MYOM1: variants seen among roughly 807,000 people sequenced by gnomAD.
The protein encoded by MYOM1 is myomesin-1.
A neutral mutation model predicts 205.3 loss-of-function variants in MYOM1; 164 were observed. That is an observed-to-expected ratio of 0.80 (90% CI 0.70 to 0.91). MYOM1 has a LOEUF of 0.91. MYOM1 is among the 40% of genes least tolerant of loss of function. MYOM1 has a pLI of 0.00. For synonymous variants in MYOM1, 772 were observed against 789.4 expected (o/e 0.98, Z 0.37); for missense variants, 2,011 against 2,127.3 (o/e 0.95, Z 1.08).
At chr18:3,193,353 T>TACACAC (rs1216529037) in intron 3 of MYOM1, among the ~76,000 whole-genome samples, 105 of 103,146 alleles carry the variant, frequency 1.0e-3, no homozygotes, top group African/African-American at 2.8e-3. Context: ...TATACATATA[T>TACACAC]ATATATATAC....
At chr18:3,112,486 G>A (rs1049198042) in intron 21 of MYOM1, 74 bp from the exon 22 acceptor site, 129 of 1,140,830 alleles carry the variant, frequency 1.1e-4, no homozygotes, top group Non-Finnish European at 1.4e-4. Flanking sequence ...AAACAGACGG[G>A]GCTCTTCCTC....
intron 25 of MYOM1, among the ~76,000 whole-genome samples, chr18:3,099,287 G>A (rs113819071): frequency 0.022 from 3,289 of 152,264 alleles, 98 homozygotes; most frequent in African/African-American, 0.074. Flanking sequence ...TAAAAGTGAA[G>A]GATACTCTTC....
intron 25 of MYOM1, among the ~76,000 whole-genome samples, chr18:3,095,536 C>A (rs1411735085): frequency 6.6e-6 from 1 of 152,142 alleles, no homozygotes; most frequent in Non-Finnish European, 1.5e-5. Flanking sequence ...CCACTGCACT[C>A]CAGCCTGGGC....
At chr18:3,155,338 C>CA (rs1379010648) in intron 10 of MYOM1, among the ~76,000 whole-genome samples, 1 of 152,192 alleles carries the variant, frequency 6.6e-6, no homozygotes, top group Non-Finnish European at 1.5e-5. Flanking sequence ...TCTCCTGCCT[C>CA]AGCCTCCTGA....
At chr18:3,131,584 T>C (rs1017631914) in intron 16 of MYOM1, 88 bp from the exon 17 acceptor site, 15 of 1,163,948 alleles carry the variant, frequency 1.3e-5, no homozygotes, top group African/African-American at 1.6e-5. Flanking sequence ...TCTGGCTTTA[T>C]GAAAACAATT....
chr18:3,198,350 G>A (rs531521936), intron 2 of MYOM1, among the ~76,000 whole-genome samples: 1 of 152,208 alleles, frequency 6.6e-6, no homozygotes, highest in Non-Finnish European at 1.5e-5. Flanking sequence ...TGTGTTCAGG[G>A]TTAGGCTGCA....
chr18:3,233,914 A>C, the MYOM1 span, among the ~76,000 whole-genome samples: 1 of 152,244 alleles, frequency 6.6e-6, no homozygotes, highest in Admixed American at 6.5e-5. Context: ...TAACACAGTC[A>C]TTCTTATCAA....
rs150827793 is a variant in MYOM1, at chr18:3,123,847, G to C, written c.2991+2854C>G. 2.9e-3 allele frequency among the ~76,000 whole-genome samples: 424 copies of C among 146,766 alleles called. 14 individuals are homozygous for C. In the East Asian group the frequency reaches 0.068, roughly 24 times the overall value. On this transcript the variant is annotated intron_variant, in intron 19 of 37. Coordinates refer to ENST00000356443, the MANE Select transcript of MYOM1 (RefSeq NM_003803.4). ...TATTTATTTATTTTTTTTGAGACAG[G>C]ATCTCGCTCTGTCACCAAGCCTGGA...
chr18:3,152,747 A>G lies in MYOM1; in HGVS notation c.1644-854T>C, dbSNP rs2080238867. Among the ~76,000 whole-genome samples, 2 of 152,092 alleles carry G rather than the reference A, an allele frequency of 1.3e-5. No individual in the cohort carries two copies. The highest frequency in any genetic ancestry group is 1.3e-4 in the Admixed American group (2 of 15,278). The stretch of plus-strand genomic sequence containing the variant: ...ATATCATTTCCCCAACATGGGCTCT[A>G]TGTCCAAAATGTGTAATTCCCAAAT... On this transcript the variant is annotated intron_variant, in intron 11 of 37. Transcript: ENST00000356443. The surrounding 1 kb of genome is among the most constrained non-coding windows in gnomAD (Gnocchi z 4.3).
intron 21 of MYOM1, among the ~76,000 whole-genome samples, chr18:3,116,124 T>C (rs1356728687): frequency 6.6e-6 from 1 of 152,124 alleles, no homozygotes; most frequent in African/African-American, 2.4e-5. Context: ...TTCAAAGCTA[T>C]GCTAAGGAAT....
intron 9 of MYOM1, among the ~76,000 whole-genome samples, chr18:3,166,861 G>A (rs1190100411): frequency 1.3e-5 from 2 of 151,962 alleles, no homozygotes; most frequent in Non-Finnish European, 2.9e-5. Context: ...AATATGTCTG[G>A]AATTTTAAAG....
intron 3 of MYOM1, among the ~76,000 whole-genome samples, chr18:3,191,948 A>G (rs7505043): frequency 0.5 from 76,004 of 151,884 alleles, 19,630 homozygotes; most frequent in African/African-American, 0.63. Context: ...TGCCCGCCTC[A>G]GCCTCCCAAA....
chr18:3,126,447 C>A (rs1374945456), intron 19 of MYOM1, among the ~76,000 whole-genome samples: 1 of 151,604 alleles, frequency 6.6e-6, no homozygotes, highest in African/African-American at 2.4e-5. Context: ...ACAGTAAGCG[C>A]ACATTTCATA....
At chr18:3,234,000 A>G in the MYOM1 span, among the ~76,000 whole-genome samples, 1 of 152,236 alleles carries the variant, frequency 6.6e-6, no homozygotes, top group Non-Finnish European at 1.5e-5. Flanking sequence ...GACATGCGTC[A>G]CATTCCTACC....
At chr18:3,236,050 GT>G in the MYOM1 span, among the ~76,000 whole-genome samples, 1 of 152,200 alleles carries the variant, frequency 6.6e-6, no homozygotes, top group African/African-American at 2.4e-5. Flanking sequence ...GGGTGGGGAA[GT>G]TCCCAGAACC....
At position 3,155,040 on chromosome 18, in the gene MYOM1, T is replaced by C. The variant is rs1282538940; in HGVS notation, c.1550A>G (p.Lys517Arg). 6.2e-7 allele frequency: 1 copy of C among 1,613,486 alleles called. No homozygotes were observed. Among genetic ancestry groups the C allele is most frequent in the Non-Finnish European group, 8.5e-7 (1 of 1,179,692 alleles). The change falls in exon 11 of 38, where the codon AAG (lysine) becomes AGG (arginine). Residue 517 changes from lysine to arginine, a missense_variant. By Grantham distance (26) the Lys-to-Arg change is conservative (BLOSUM62 2). Transcript: ENST00000356443. ...ATAATCTTTGTTGGCCTCCAAGCAC[T>C]TCACATCCAAGGGAGCAGCTGGGGC... Reference protein sequence around the residue: ...EGAPAAPLDVKCLEANKDYII... With the variant: ...EGAPAAPLDVRCLEANKDYII...
At chr18:3,191,695 C>CTTTTTTTT (rs1405479889) in intron 3 of MYOM1, among the ~76,000 whole-genome samples, 1 of 145,008 alleles carries the variant, frequency 6.9e-6, no homozygotes, top group Non-Finnish European at 1.5e-5. Context: ...TTCTTCACAT[C>CTTTTTTTT]TTTTTTTTTT....
intron 2 of MYOM1, among the ~76,000 whole-genome samples, chr18:3,205,960 A>G (rs1387560497): frequency 2.6e-5 from 4 of 152,180 alleles, no homozygotes; most frequent in Non-Finnish European, 4.4e-5. Context: ...GTCTTCTGAG[A>G]GCTTTACGGT....
chr18:3,141,490 G>A (rs1007271280), intron 14 of MYOM1, among the ~76,000 whole-genome samples: 1 of 152,090 alleles, frequency 6.6e-6, no homozygotes, highest in South Asian at 2.1e-4. Flanking sequence ...CCACACTCCC[G>A]GCCATTTGAG....
Sources: gnomAD v4.1 joint callset for allele counts (sites outside exome capture counted in the v4.1 genomes callset) on GRCh38, gnomAD v4.1.1 for gene constraint, Gnocchi (gnomAD v3.1) non-coding constraint, MANE v1.5 for transcripts, NCBI Gene and HGNC (gene_info 2026-07-23, HGNC 2026-07-21) for gene names.